ADARB2: variants seen among roughly 807,000 people sequenced by gnomAD.
ADARB2 encodes adenosine deaminase RNA specific B2 (inactive).
A neutral mutation model predicts 62.2 loss-of-function variants in ADARB2; 25 were observed. The ratio of observed to expected loss-of-function variants is 0.40; its 90% confidence interval spans 0.29 to 0.56. ADARB2 has a LOEUF of 0.56. Among genes scored for constraint, ADARB2 ranks in the 20% least tolerant of loss-of-function variants. ADARB2 has a pLI of 0.43. For missense variants in ADARB2, 1,071 were observed against 1,077.4 expected (o/e 0.99, Z 0.08); for synonymous variants, 572 against 500.8 (o/e 1.14, Z -1.90).
At chr10:1,604,573 A>G (rs921659281) in intron 1 of ADARB2, among the ~76,000 whole-genome samples, 2 of 152,196 alleles carry the variant, frequency 1.3e-5, no homozygotes, top group Non-Finnish European at 2.9e-5. Context: ...AATCAGAAAT[A>G]CTGTAGCACA....
chr10:1,492,346 G>A (rs374300362), intron 1 of ADARB2, among the ~76,000 whole-genome samples: 2 of 152,200 alleles, frequency 1.3e-5, no homozygotes, highest in Non-Finnish European at 2.9e-5. Flanking sequence ...AGCTCGTTAA[G>A]AGGAGACCCC....
At chr10:1,559,992 C>T (rs756285124) in intron 1 of ADARB2, among the ~76,000 whole-genome samples, 5 of 152,246 alleles carry the variant, frequency 3.3e-5, no homozygotes, top group South Asian at 2.1e-4. Context: ...ACTGCGTGGA[C>T]GGCAGGTGAA....
chr10:1,603,384 C>G (rs1379681557), intron 1 of ADARB2, among the ~76,000 whole-genome samples: 1 of 152,160 alleles, frequency 6.6e-6, no homozygotes, highest in East Asian at 1.9e-4. Context: ...GCTCTAAGGA[C>G]CTTTGCACCT....
chr10:1,649,148 T>G (rs1834080830), intron 1 of ADARB2, among the ~76,000 whole-genome samples: 1 of 152,194 alleles, frequency 6.6e-6, no homozygotes, highest in Non-Finnish European at 1.5e-5. Flanking sequence ...TGCCCATCTT[T>G]CCATTTATGT....
chr10:1,694,927 G>T (rs930292894), intron 1 of ADARB2, among the ~76,000 whole-genome samples: 4 of 152,120 alleles, frequency 2.6e-5, no homozygotes, highest in African/African-American at 9.7e-5. Context: ...CTTTTCACGT[G>T]AAGCCTCTGC....
At chr10:1,475,137 A>T (rs1198049396) in intron 1 of ADARB2, among the ~76,000 whole-genome samples, 11 of 152,136 alleles carry the variant, frequency 7.2e-5, no homozygotes, top group African/African-American at 2.7e-4. Context: ...AGTCAGCAGG[A>T]GGACCCCCGG....
At chr10:1,320,539 T>C (rs1320725317) in intron 3 of ADARB2, among the ~76,000 whole-genome samples, 5 of 152,218 alleles carry the variant, frequency 3.3e-5, no homozygotes, top group Admixed American at 6.5e-5. Context: ...AGAAAAACCA[T>C]TGGACCATGG....
At chr10:1,259,666 C>G (rs984008382) in intron 4 of ADARB2, among the ~76,000 whole-genome samples, 4 of 152,098 alleles carry the variant, frequency 2.6e-5, no homozygotes. Context: ...TAATAGCTTA[C>G]CAACCAAAAA....
chr10:1,699,246 TCAA>T lies in ADARB2; in HGVS notation c.100+37802_100+37804del, dbSNP rs1564198345. Reference sequence around the variant, plus strand: ...GGAGACCAGGCGCTCGCCAATACACTCAATCCCACTCCACCGGGAGACCGGGCA... The same window carrying T: ...GGAGACCAGGCGCTCGCCAATACACTTCCCACTCCACCGGGAGACCGGGCA... On this transcript the variant is annotated intron_variant, in intron 1 of 9. Coordinates refer to ENST00000381312, the MANE Select transcript of ADARB2 (RefSeq NM_018702.4). 9.5e-3 allele frequency among the ~76,000 whole-genome samples: 675 copies of T among 71,306 alleles called. 41 individuals carry two copies. Among genetic ancestry groups the T allele is most frequent in the Non-Finnish European group, 0.014 (461 of 33,234 alleles). The allele number at this position is 71,306 out of a possible 152,430, so 46.8% of individuals were successfully genotyped here.
At chr10:1,653,931 G>A (rs1327939239) in intron 1 of ADARB2, among the ~76,000 whole-genome samples, 5 of 152,176 alleles carry the variant, frequency 3.3e-5, no homozygotes, top group Non-Finnish European at 7.4e-5. Flanking sequence ...CAGGAGGGAG[G>A]CTCCGTGTGG....
At chr10:1,718,738 T>C (rs1835053258) in intron 1 of ADARB2, among the ~76,000 whole-genome samples, 1 of 151,996 alleles carries the variant, frequency 6.6e-6, no homozygotes, top group Non-Finnish European at 1.5e-5. Context: ...GGCCCCCAGG[T>C]TGTGTTTCTG....
At chr10:1,714,463 C>T (rs2119155571) in intron 1 of ADARB2, among the ~76,000 whole-genome samples, 1 of 152,378 alleles carries the variant, frequency 6.6e-6, no homozygotes, top group East Asian at 1.9e-4. Flanking sequence ...TCTAGGCACG[C>T]ATCTGAACCA....
intron 8 of ADARB2, among the ~76,000 whole-genome samples, chr10:1,197,128 TA>T (rs1348359739): frequency 6.6e-6 from 1 of 152,258 alleles, no homozygotes; most frequent in African/African-American, 2.4e-5. Context: ...GCAAATCACT[TA>T]CCATCTGGAT....
At chr10:1,389,748 AAAATAAAT>A (rs141695100) in intron 1 of ADARB2, among the ~76,000 whole-genome samples, 68,571 of 146,328 alleles carry the variant, frequency 0.47, 16,769 homozygotes, top group East Asian at 0.67. Context: ...CTCTGACTCA[AAAATAAAT>A]AAATAAATAA....
chr10:1,197,715 G>A (rs1273620980), intron 8 of ADARB2, among the ~76,000 whole-genome samples: 1 of 152,224 alleles, frequency 6.6e-6, no homozygotes, highest in Non-Finnish European at 1.5e-5. Context: ...TTTATCTTCA[G>A]TGTGGACTAA....
At chr10:1,651,552 G>A (rs1474801155) in intron 1 of ADARB2, among the ~76,000 whole-genome samples, 1 of 152,276 alleles carries the variant, frequency 6.6e-6, no homozygotes. Context: ...GGAACTTCCA[G>A]AACCAGCCCC....
intron 1 of ADARB2, among the ~76,000 whole-genome samples, chr10:1,415,791 C>T (rs991519161): frequency 1.3e-5 from 2 of 152,132 alleles, no homozygotes; most frequent in African/African-American, 2.4e-5. Flanking sequence ...ATAAAATTAT[C>T]ATCTTATGTG....
At chr10:1,708,582 G>C (rs1834918388) in intron 1 of ADARB2, among the ~76,000 whole-genome samples, 1 of 152,178 alleles carries the variant, frequency 6.6e-6, no homozygotes, top group Non-Finnish European at 1.5e-5. Flanking sequence ...ACAAGAAGAA[G>C]AATGTTCAAG....
chr10:1,241,529 G>A (rs1430398947), intron 5 of ADARB2, among the ~76,000 whole-genome samples: 2 of 152,160 alleles, frequency 1.3e-5, no homozygotes, highest in Admixed American at 1.3e-4. Context: ...GGCCCAGCCT[G>A]GGGGTGTGTC....
Sources: allele counts gnomAD v4.1 joint callset (sites outside exome capture counted in the v4.1 genomes callset), GRCh38; gene constraint gnomAD v4.1.1; transcripts MANE v1.5; gene names NCBI Gene and HGNC (gene_info 2026-07-23, HGNC 2026-07-21).